PODXL2: variants seen among roughly 807,000 people sequenced by gnomAD.
PODXL2 encodes the protein podocalyxin like 2, also known as podocalyxin-like protein 2.
Under a neutral mutation model 53.4 loss-of-function variants are expected in PODXL2, and 17 were observed. That is an observed-to-expected ratio of 0.32 (90% confidence interval 0.22 to 0.48). The LOEUF is 0.48. PODXL2 is among the 20% of genes least tolerant of loss of function. PODXL2 has a pLI of 0.99. For synonymous variants in PODXL2, 311 were observed against 306.7 expected (o/e 1.01, Z -0.15); for missense variants, 673 against 760.0 (o/e 0.89, Z 1.35).
chr3:127,652,266 C>G (rs1402754568), intron 2 of PODXL2, among the ~76,000 whole-genome samples: 1 of 152,184 alleles, frequency 6.6e-6, no homozygotes. Context: ...CTCTGTCTAC[C>G]TGTAAAATCC....
intron 1 of PODXL2, among the ~76,000 whole-genome samples, chr3:127,635,128 C>G (rs775563467): frequency 2.6e-5 from 4 of 152,190 alleles, no homozygotes; most frequent in Non-Finnish European, 5.9e-5. Context: ...AACACATGTT[C>G]CTGAGATCCC....
chr3:127,636,752 G>A (rs2074580625), intron 1 of PODXL2, among the ~76,000 whole-genome samples: 1 of 152,248 alleles, frequency 6.6e-6, no homozygotes, highest in Non-Finnish European at 1.5e-5. Context: ...GTCCTCAGGA[G>A]CACTGGCAAC....
chr3:127,638,633 T>A (rs965491928), intron 1 of PODXL2, among the ~76,000 whole-genome samples: 7 of 152,112 alleles, frequency 4.6e-5, no homozygotes, highest in Non-Finnish European at 7.3e-5. Context: ...GAGAATCACT[T>A]GAACCTGGGA....
At chr3:127,662,819 A>G (rs200520515) in intron 4 of PODXL2, among the ~76,000 whole-genome samples, 23 of 152,294 alleles carry the variant, frequency 1.5e-4, no homozygotes, top group East Asian at 7.7e-4. Flanking sequence ...GAAATTTGCA[A>G]TGGCAGCATT....
At chr3:127,662,825 G>T (rs1034392463) in intron 4 of PODXL2, among the ~76,000 whole-genome samples, 3 of 152,214 alleles carry the variant, frequency 2.0e-5, no homozygotes, top group Non-Finnish European at 4.4e-5. Flanking sequence ...TGCAATGGCA[G>T]CATTGTTAGG....
At chr3:127,664,435 G>A (rs1323261010) in intron 4 of PODXL2, among the ~76,000 whole-genome samples, 1 of 151,800 alleles carries the variant, frequency 6.6e-6, no homozygotes, top group Admixed American at 6.6e-5. Flanking sequence ...CCATCTTTTG[G>A]CTATTGTGAA....
At chr3:127,650,948 C>T (rs867540498) in intron 2 of PODXL2, among the ~76,000 whole-genome samples, 31 of 152,256 alleles carry the variant, frequency 2.0e-4, no homozygotes, top group Middle Eastern at 3.4e-3. Context: ...CGTGAGCCAC[C>T]GCGCCCAGCT....
At chr3:127,662,756 G>C (rs1446230355) in intron 4 of PODXL2, among the ~76,000 whole-genome samples, 1 of 152,152 alleles carries the variant, frequency 6.6e-6, no homozygotes, top group African/African-American at 2.4e-5. Flanking sequence ...ATAGTGCTAG[G>C]GTTGTCAGCT....
intron 2 of PODXL2, among the ~76,000 whole-genome samples, chr3:127,659,785 C>T (rs2074751553): frequency 6.6e-6 from 1 of 152,354 alleles, no homozygotes; most frequent in South Asian, 2.1e-4. Flanking sequence ...CTGGAAAACT[C>T]TGGGCTCAGC....
At chr3:127,637,430 A>G (rs1190794159) in intron 1 of PODXL2, among the ~76,000 whole-genome samples, 6 of 152,216 alleles carry the variant, frequency 3.9e-5, no homozygotes, top group Non-Finnish European at 8.8e-5. Context: ...TAGGATAATA[A>G]CACAATATTT....
intron 2 of PODXL2, among the ~76,000 whole-genome samples, chr3:127,650,066 G>A (rs757244818): frequency 9.9e-5 from 15 of 152,202 alleles, no homozygotes; most frequent in Non-Finnish European, 1.9e-4. Flanking sequence ...GAGTTGTAGT[G>A]AGGGGACAAT....
intron 6 of PODXL2, among the ~76,000 whole-genome samples, chr3:127,670,392 A>G (rs552690797): frequency 1.3e-5 from 2 of 152,302 alleles, no homozygotes; most frequent in South Asian, 2.1e-4. Context: ...TCGTGGGTCC[A>G]TGAACAGTGG....
intron 1 of PODXL2, among the ~76,000 whole-genome samples, chr3:127,637,680 T>G (rs2074585555): frequency 6.6e-6 from 1 of 152,218 alleles, no homozygotes; most frequent in Non-Finnish European, 1.5e-5. Context: ...GTCTCTGACC[T>G]CAGGGCGTCT....
At chr3:127,667,985 G>A (rs891820785) in intron 4 of PODXL2, among the ~76,000 whole-genome samples, 1 of 152,056 alleles carries the variant, frequency 6.6e-6, no homozygotes, top group Non-Finnish European at 1.5e-5. Context: ...ACTCCCACCC[G>A]CCCATGTGTT....
At chr3:127,659,162 G>A (rs1481334849) in intron 2 of PODXL2, among the ~76,000 whole-genome samples, 1 of 152,034 alleles carries the variant, frequency 6.6e-6, no homozygotes, top group Non-Finnish European at 1.5e-5. Flanking sequence ...ATACTAATTA[G>A]ACTTTTAAAA....
At chr3:127,653,763 C>A (rs1374185145) in intron 2 of PODXL2, among the ~76,000 whole-genome samples, 1 of 152,172 alleles carries the variant, frequency 6.6e-6, no homozygotes, top group African/African-American at 2.4e-5. Flanking sequence ...ATTCCGTCCA[C>A]CCCTTGCTCG....
At chr3:127,642,959 A>G (rs961929627) in intron 2 of PODXL2, among the ~76,000 whole-genome samples, 3 of 152,056 alleles carry the variant, frequency 2.0e-5, no homozygotes, top group African/African-American at 7.2e-5. Context: ...AGGTTCACAC[A>G]CCATCATACA....
chr3:127,671,073 T>C (rs1044727403), intron 6 of PODXL2, among the ~76,000 whole-genome samples: 12 of 152,126 alleles, frequency 7.9e-5, no homozygotes, highest in African/African-American at 2.7e-4. Context: ...TCTCTCTAAC[T>C]AGTTAGGATA....
chr3:127,660,514 GGAGGAAGAAGAGGAA>G lies in PODXL2; in HGVS notation c.495_509del (p.Glu168_Glu172del). 1 of 1,614,102 alleles carries G rather than the reference GGAGGAAGAAGAGGAA, an allele frequency of 6.2e-7. No individual in the cohort carries two copies. The highest frequency in any genetic ancestry group is 8.5e-7 in the Non-Finnish European group (1 of 1,180,012). On this transcript the variant is annotated inframe_deletion, in exon 3 of 8. Transcript: ENST00000342480. ...CTCCCTGGCATATGCCTCCCAGAGA[GGAGGAAGAAGAGGAA>G]GAGGAAGAGGAGGAGAGGGAGAAGG...
Sources: allele counts gnomAD v4.1 joint callset (sites outside exome capture counted in the v4.1 genomes callset), GRCh38; gene constraint gnomAD v4.1.1; transcripts MANE v1.5; gene names NCBI Gene and HGNC (gene_info 2026-07-23, HGNC 2026-07-21).